Variants in ST6GALNAC3 observed in about 807,000 individuals in gnomAD.
ST6GALNAC3 encodes alpha-N-acetylgalactosaminide alpha-2,6-sialyltransferase 3.
ST6GALNAC3 carries 25 observed loss-of-function variants against 32.7 expected under a neutral mutation model. The ratio of observed to expected loss-of-function variants is 0.76; its 90% CI spans 0.56 to 1.07. ST6GALNAC3 has a LOEUF of 1.07. ST6GALNAC3 is among the 50% of genes least tolerant of loss of function. The pLI, the probability that ST6GALNAC3 is intolerant of heterozygous loss-of-function variation, is 0.00. For missense variants in ST6GALNAC3, 355 were observed against 382.4 expected (o/e 0.93, Z 0.60); for synonymous variants, 129 against 133.1 (o/e 0.97, Z 0.21).
intron 1 of ST6GALNAC3, among the ~76,000 whole-genome samples, chr1:76,213,761 C>A (rs1429164154): frequency 6.6e-6 from 1 of 152,146 alleles, no homozygotes; most frequent in Non-Finnish European, 1.5e-5. Context: ...ACTGCCTTGC[C>A]TGGGCATAAC....
At chr1:76,592,333 T>C (rs543983839) in intron 3 of ST6GALNAC3, among the ~76,000 whole-genome samples, 2 of 152,196 alleles carry the variant, frequency 1.3e-5, no homozygotes, top group South Asian at 4.1e-4. Context: ...TACATGGGAT[T>C]AAGGAAGAAC....
chr1:76,200,837 G>C (rs1315973169), intron 1 of ST6GALNAC3, among the ~76,000 whole-genome samples: 1 of 152,120 alleles, frequency 6.6e-6, no homozygotes, highest in African/African-American at 2.4e-5. Context: ...AAGGAAAAGA[G>C]ACTACAATCT....
chr1:76,288,056 C>T (rs1456084692), intron 1 of ST6GALNAC3, among the ~76,000 whole-genome samples: 1 of 152,140 alleles, frequency 6.6e-6, no homozygotes, highest in East Asian at 1.9e-4. Flanking sequence ...ATCACCTCTC[C>T]CACTCATCTT....
At chr1:76,520,417 A>G (rs1234944317) in intron 3 of ST6GALNAC3, among the ~76,000 whole-genome samples, 1 of 152,120 alleles carries the variant, frequency 6.6e-6, no homozygotes, top group Non-Finnish European at 1.5e-5. Flanking sequence ...GCAAACATTG[A>G]GGTCAGCTGC....
At chr1:76,084,292 T>C (rs192419929) in intron 1 of ST6GALNAC3, among the ~76,000 whole-genome samples, 1 of 152,322 alleles carries the variant, frequency 6.6e-6, no homozygotes. Flanking sequence ...ATCTGAGCGT[T>C]TGATGAGCCC....
chr1:76,577,449 A>G (rs1279185385), intron 3 of ST6GALNAC3: 3 of 310,964 alleles, frequency 9.6e-6, no homozygotes, highest in East Asian at 3.5e-4. Context: ...ATGCCGCTCA[A>G]AATTAAAGCA....
intron 1 of ST6GALNAC3, among the ~76,000 whole-genome samples, chr1:76,203,127 G>A (rs1654626966): frequency 6.6e-6 from 1 of 152,182 alleles, no homozygotes; most frequent in African/African-American, 2.4e-5. Flanking sequence ...CCAAAGGAAT[G>A]TGAGGATATT....
At chr1:76,517,102 A>G (rs1466456822) in intron 3 of ST6GALNAC3, among the ~76,000 whole-genome samples, 2 of 151,874 alleles carry the variant, frequency 1.3e-5, no homozygotes, top group Non-Finnish European at 2.9e-5. Context: ...TTCCATATAA[A>G]CCAACAAATT....
chr1:76,238,948 C>CA (rs1398463270), intron 1 of ST6GALNAC3, among the ~76,000 whole-genome samples: 2 of 131,286 alleles, frequency 1.5e-5, no homozygotes, highest in Admixed American at 7.8e-5. Flanking sequence ...TCCCACTAAC[C>CA]TTTTTTTTTT....
chr1:76,583,908 CAACA>C (rs1332576777), intron 3 of ST6GALNAC3, among the ~76,000 whole-genome samples: 6 of 152,188 alleles, frequency 3.9e-5, no homozygotes, highest in African/African-American at 1.4e-4. Context: ...TAAGCTTCTT[CAACA>C]AAGATCTCCA....
chr1:76,411,906 T>C (rs527857258), intron 2 of ST6GALNAC3, 102 bp from the exon 3 acceptor site: 3 of 1,274,140 alleles, frequency 2.4e-6, no homozygotes, highest in African/African-American at 3.0e-5. Flanking sequence ...GATATTTCCA[T>C]ATTTGGTAAT....
At chr1:76,328,178 G>A (rs1294323780) in intron 2 of ST6GALNAC3, among the ~76,000 whole-genome samples, 1 of 152,214 alleles carries the variant, frequency 6.6e-6, no homozygotes, top group East Asian at 1.9e-4. Context: ...TACACAGAAA[G>A]GACATCCAAT....
In ST6GALNAC3 at chr1:76,236,237, C is replaced by T. The variant is rs141535839; in HGVS notation, c.19-77568C>T. ...TGCTAGGATTACAAGCCTGAGCTAC[C>T]GCACCCGACCAACCTAATTTTAATA... On this transcript the variant is annotated intron_variant, in intron 1 of 4. Coordinates refer to ENST00000328299, the MANE Select transcript of ST6GALNAC3 (RefSeq NM_152996.4). Among the ~76,000 whole-genome samples the T allele has an allele frequency of 5.4e-3, 815 of 152,254 alleles. 13 individuals carry two copies. Among genetic ancestry groups the T allele is most frequent in the African/African-American group, 0.018 (756 of 41,536 alleles).
intron 2 of ST6GALNAC3, among the ~76,000 whole-genome samples, chr1:76,315,996 G>C (rs915741227): frequency 4.6e-5 from 7 of 151,824 alleles, no homozygotes; most frequent in Non-Finnish European, 1.0e-4. Context: ...ACACATGTAG[G>C]GGTTCTCAAT....
At chr1:76,164,513 A>T (rs947539018) in intron 1 of ST6GALNAC3, among the ~76,000 whole-genome samples, 7 of 152,162 alleles carry the variant, frequency 4.6e-5, no homozygotes, top group Admixed American at 4.6e-4. Flanking sequence ...TGTACCCCTT[A>T]AGCAGACCTT....
chr1:76,155,045 G>A (rs1050953218), intron 1 of ST6GALNAC3, among the ~76,000 whole-genome samples: 3 of 151,644 alleles, frequency 2.0e-5, no homozygotes, highest in Non-Finnish European at 4.4e-5. Context: ...TTTTGCCTTG[G>A]AGGATGTGTG....
intron 1 of ST6GALNAC3, among the ~76,000 whole-genome samples, chr1:76,125,566 A>C (rs1017557469): frequency 3.0e-4 from 46 of 152,194 alleles, no homozygotes; most frequent in African/African-American, 1.0e-3. Flanking sequence ...TCTGTGGTCC[A>C]TCTGGAAAGA....
intron 4 of ST6GALNAC3, among the ~76,000 whole-genome samples, 190 bp from the exon 5 acceptor site, chr1:76,628,430 C>T (rs776472917): frequency 5.3e-5 from 8 of 151,888 alleles, no homozygotes; most frequent in African/African-American, 2.4e-5. Flanking sequence ...ATCTATTAAA[C>T]CACTAAAAAC....
chr1:76,254,567 C>T (rs747827225), intron 1 of ST6GALNAC3, among the ~76,000 whole-genome samples: 2 of 151,996 alleles, frequency 1.3e-5, no homozygotes, highest in South Asian at 2.1e-4. Context: ...GAGAGAGAGA[C>T]GATAGTTGGC....
Sources: gnomAD v4.1 joint callset for allele counts (sites outside exome capture counted in the v4.1 genomes callset) on GRCh38, gnomAD v4.1.1 for gene constraint, MANE v1.5 for transcripts, NCBI Gene and HGNC (gene_info 2026-07-23, HGNC 2026-07-21) for gene names.